DAB1: variants seen among roughly 807,000 people sequenced by gnomAD.
The protein encoded by DAB1 is DAB adaptor protein 1, also known as disabled homolog 1.
Under a neutral mutation model 64.6 loss-of-function variants are expected in DAB1, and 15 were observed. The observed-to-expected ratio is 0.23, with a 90% CI of 0.16 to 0.36. The LOEUF is 0.36. Ranked by LOEUF, DAB1 falls within the 10% of genes least tolerant of loss-of-function variation. The pLI, the probability that DAB1 is intolerant of heterozygous loss-of-function variation, is 1.00. For synonymous variants in DAB1, 235 were observed against 251.9 expected (o/e 0.93, Z 0.64); for missense variants, 596 against 706.7 (o/e 0.84, Z 1.78).
chr1:57,917,274 T>C (rs975553375), intron 5 of DAB1, among the ~76,000 whole-genome samples: 9 of 152,184 alleles, frequency 5.9e-5, no homozygotes, highest in African/African-American at 2.2e-4. Context: ...CTCTGCAGTG[T>C]AGGGAGGTCT....
At chr1:57,129,994 A>G (rs900933914) in intron 4 of DAB1, among the ~76,000 whole-genome samples, 1 of 151,774 alleles carries the variant, frequency 6.6e-6, no homozygotes, top group Non-Finnish European at 1.5e-5. Context: ...AGGGTTTCCT[A>G]TGCCAGGCCT....
At chr1:57,495,562 G>T (rs1644220645) in intron 7 of DAB1, among the ~76,000 whole-genome samples, 1 of 152,160 alleles carries the variant, frequency 6.6e-6, no homozygotes, top group South Asian at 2.1e-4. Context: ...TGTCCGTATA[G>T]GTAATGATGG....
At chr1:57,684,819 G>C (rs539518607) in intron 6 of DAB1, among the ~76,000 whole-genome samples, 2 of 152,252 alleles carry the variant, frequency 1.3e-5, no homozygotes, top group African/African-American at 4.8e-5. Flanking sequence ...AAAAGACATA[G>C]AGTGGCCAGT....
chr1:57,698,686 T>C (rs12024280), intron 6 of DAB1, among the ~76,000 whole-genome samples: 13,616 of 152,182 alleles, frequency 0.089, 844 homozygotes, highest in Non-Finnish European at 0.13. Context: ...AATGAGTGAA[T>C]AAACATGTTC....
intron 2 of DAB1, among the ~76,000 whole-genome samples, chr1:57,238,167 G>A (rs917917521): frequency 3.3e-5 from 5 of 152,166 alleles, no homozygotes; most frequent in African/African-American, 1.2e-4. Flanking sequence ...GTGGTCCTTG[G>A]GCCAGCAGTA....
At chr1:58,509,738 C>T (rs6587820) in intron 2 of DAB1, among the ~76,000 whole-genome samples, 44,336 of 150,926 alleles carry the variant, frequency 0.29, 7,090 homozygotes, top group African/African-American at 0.41. Flanking sequence ...ATTTACAAAA[C>T]TGACAAGTCG....
At chr1:58,372,458 A>G (rs547011545) in intron 3 of DAB1, among the ~76,000 whole-genome samples, 3 of 152,202 alleles carry the variant, frequency 2.0e-5, no homozygotes, top group African/African-American at 7.2e-5. Context: ...GGTGGAAGGG[A>G]CTTGCCTTGT....
At chr1:57,987,575 T>G (rs1416158324) in intron 5 of DAB1, among the ~76,000 whole-genome samples, 1 of 152,174 alleles carries the variant, frequency 6.6e-6, no homozygotes, top group African/African-American at 2.4e-5. Flanking sequence ...CCTTTTTGAA[T>G]GAATGAATAA....
At position 58,380,812 on chromosome 1, in the gene DAB1, A is replaced by G. The variant is rs1644380593; in HGVS notation, n.258-37409T>C. Among the ~76,000 whole-genome samples the G allele has an allele frequency of 2.0e-5, 3 of 152,338 alleles. No homozygotes were observed. The South Asian group carries it at 6.2e-4, about 32-fold the overall frequency. Reference sequence around the variant, plus strand: ...TGATGGGCATGGAGTAAATTAAAGGAGCAACTTACTAGAAAATAAGCTGGG... The same window carrying G: ...TGATGGGCATGGAGTAAATTAAAGGGGCAACTTACTAGAAAATAAGCTGGG... On this transcript the variant is annotated intron_variant and non_coding_transcript_variant, in intron 3 of 20. Transcript: ENST00000485760.
At chr1:58,372,450 T>A (rs796068943) in intron 3 of DAB1, among the ~76,000 whole-genome samples, 1 of 152,126 alleles carries the variant, frequency 6.6e-6, no homozygotes, top group African/African-American at 2.4e-5. Context: ...GGCTCAGAGG[T>A]GGAAGGGACT....
At position 57,165,576 on chromosome 1, in the gene DAB1, T is replaced by C. The variant is rs1270579947; in HGVS notation, c.68-20147A>G. Among the ~76,000 whole-genome samples the C allele has an allele frequency of 1.6e-4, 25 of 152,342 alleles. 1 individual carries two copies. The highest frequency in any genetic ancestry group is 1.4e-3 in the Admixed American group (21 of 15,304). ...TATTAAACATCTATTGTGTTCCAGA[T>C]ACAGTGATAAACATTTTCACATACA... On this transcript the variant is annotated intron_variant, in intron 2 of 14. Transcript: ENST00000371236.
chr1:57,167,785 C>T (rs1348879844), intron 2 of DAB1, among the ~76,000 whole-genome samples: 1 of 152,218 alleles, frequency 6.6e-6, no homozygotes, highest in Non-Finnish European at 1.5e-5. Flanking sequence ...AATCTAATAA[C>T]TCATTTGTGG....
At chr1:57,110,281 A>G (rs1655538753) in intron 4 of DAB1, among the ~76,000 whole-genome samples, 1 of 152,228 alleles carries the variant, frequency 6.6e-6, no homozygotes, top group Non-Finnish European at 1.5e-5. Flanking sequence ...TTCTCAATTC[A>G]GGCTCATCTT....
chr1:58,443,579 T>G (rs1263901253), intron 3 of DAB1, among the ~76,000 whole-genome samples: 2 of 152,208 alleles, frequency 1.3e-5, no homozygotes, highest in East Asian at 1.9e-4. Context: ...AATTCCATGG[T>G]TTTGACAAGT....
At chr1:57,415,758 A>G (rs1684448057) in intron 1 of DAB1, among the ~76,000 whole-genome samples, 1 of 152,142 alleles carries the variant, frequency 6.6e-6, no homozygotes, top group Admixed American at 6.5e-5. Flanking sequence ...CCTGCAATTC[A>G]AGACAAGCAC....
intron 7 of DAB1, among the ~76,000 whole-genome samples, chr1:57,456,297 A>G (rs1686589698): frequency 6.6e-6 from 1 of 152,304 alleles, no homozygotes; most frequent in African/African-American, 2.4e-5. Flanking sequence ...CTCAGTTTTC[A>G]ATGAAGAAAT....
At chr1:57,248,990 C>T (rs1669115104) in intron 2 of DAB1, among the ~76,000 whole-genome samples, 2 of 152,172 alleles carry the variant, frequency 1.3e-5, no homozygotes, top group African/African-American at 4.8e-5. Flanking sequence ...ACAAGACAGG[C>T]ATATTAAGTT....
chr1:58,044,658 T>C (rs1444717911), intron 5 of DAB1, among the ~76,000 whole-genome samples: 1 of 152,142 alleles, frequency 6.6e-6, no homozygotes, highest in East Asian at 1.9e-4. Flanking sequence ...GTTACAAAGG[T>C]TGTCAGAGAG....
intron 7 of DAB1, among the ~76,000 whole-genome samples, chr1:57,578,970 C>G (rs562216742): frequency 1.3e-5 from 2 of 152,300 alleles, no homozygotes; most frequent in African/African-American, 4.8e-5. Flanking sequence ...GGTCTTCATT[C>G]AAAGCTCCAG....
Sources: gnomAD v4.1 joint callset for allele counts (sites outside exome capture counted in the v4.1 genomes callset) on GRCh38, gnomAD v4.1.1 for gene constraint, MANE v1.5 for transcripts, NCBI Gene and HGNC (gene_info 2026-07-23, HGNC 2026-07-21) for gene names.